GPHN: variants seen among roughly 807,000 people sequenced by gnomAD.
GPHN encodes the protein gephyrin.
A neutral mutation model predicts 95.5 loss-of-function variants in GPHN; 17 were observed. The ratio of observed to expected loss-of-function variants is 0.18; its 90% confidence interval spans 0.12 to 0.27. The LOEUF (loss-of-function observed/expected upper bound fraction) is 0.27. Ranked by LOEUF, GPHN falls within the 10% of genes least tolerant of loss-of-function variation. The pLI is 1.00. For missense variants in GPHN, 660 were observed against 978.1 expected, an observed-to-expected ratio of 0.67 and a Z score of 4.34; for synonymous variants, 320 against 322.5, an observed-to-expected ratio of 0.99 and a Z score of 0.08.
At chr14:67,643,690 C>T in the GPHN span, among the ~76,000 whole-genome samples, 1 of 151,896 alleles carries the variant, frequency 6.6e-6, no homozygotes, top group African/African-American at 2.4e-5. Context: ...GAAAATATAA[C>T]TTATCCAAGG....
intron 1 of GPHN, among the ~76,000 whole-genome samples, chr14:66,649,086 C>G (rs2064905192): frequency 6.6e-6 from 1 of 152,202 alleles, no homozygotes; most frequent in Non-Finnish European, 1.5e-5. Flanking sequence ...AATCCTAGCA[C>G]TTTGGGAGGC....
chr14:67,269,748 A>G, the GPHN span: 2 of 152,648 alleles, frequency 1.3e-5, no homozygotes, highest in African/African-American at 4.8e-5. Flanking sequence ...GAGAAACTAA[A>G]AGGACAGTAG....
intron 15 of GPHN, 104 bp downstream of exon 15, chr14:67,112,023 A>G (rs1347439008): frequency 4.5e-6 from 4 of 885,290 alleles, no homozygotes; most frequent in Non-Finnish European, 5.7e-6. Flanking sequence ...TCAGTTAGCC[A>G]TTAATTTTCA....
intron 2 of GPHN, 25 bp from the exon 3 acceptor site, chr14:66,776,439 G>T: frequency 7.3e-7 from 1 of 1,375,572 alleles, no homozygotes; most frequent in Non-Finnish European, 1.0e-6. Context: ...CTGGTTTTGA[G>T]AATATTTTCT....
At chr14:66,846,593 A>G (rs564998178) in intron 4 of GPHN, among the ~76,000 whole-genome samples, 2 of 152,316 alleles carry the variant, frequency 1.3e-5, no homozygotes, top group South Asian at 2.1e-4. Flanking sequence ...AGAAGAATGT[A>G]ATAAGAATGA....
At chr14:67,427,364 A>G in the GPHN span, among the ~76,000 whole-genome samples, 4 of 152,230 alleles carry the variant, frequency 2.6e-5, no homozygotes, top group Admixed American at 1.3e-4. Flanking sequence ...CCCTTGGTCT[A>G]CAAACGGAGA....
At chr14:67,271,162 A>T in the GPHN span, 2 of 152,240 alleles carry the variant, frequency 1.3e-5, no homozygotes, top group Non-Finnish European at 2.9e-5. Flanking sequence ...TCACGGCTAT[A>T]GAGGTCAACA....
At chr14:66,684,463 G>A (rs1426661120) in intron 2 of GPHN, among the ~76,000 whole-genome samples, 1 of 152,164 alleles carries the variant, frequency 6.6e-6, no homozygotes, top group Admixed American at 6.5e-5. Flanking sequence ...AGCTAGATGA[G>A]GGGCTTACTG....
chr14:66,729,320 A>G (rs575267345), intron 2 of GPHN, among the ~76,000 whole-genome samples: 2 of 152,276 alleles, frequency 1.3e-5, no homozygotes, highest in South Asian at 2.1e-4. Flanking sequence ...AAAAAGTTGA[A>G]ATTTGGAAAA....
chr14:67,468,919 TA>T, the GPHN span, among the ~76,000 whole-genome samples: 161 of 145,122 alleles, frequency 1.1e-3, no homozygotes, highest in South Asian at 5.6e-3. Flanking sequence ...TAATTTTTTT[TA>T]AAAAAAAAAG....
At chr14:67,323,208 TATAC>T in the GPHN span, among the ~76,000 whole-genome samples, 3 of 140,510 alleles carry the variant, frequency 2.1e-5, no homozygotes, top group Non-Finnish European at 4.5e-5. Context: ...TGTGTATATA[TATAC>T]ATATATACAC....
chr14:66,775,764 T>C (rs756698758), intron 2 of GPHN, among the ~76,000 whole-genome samples: 57 of 152,278 alleles, frequency 3.7e-4, no homozygotes, highest in Non-Finnish European at 7.1e-4. Flanking sequence ...CTTAGTTGCT[T>C]TCTAAAAAAT....
chr14:66,793,542 G>A (rs2060048599), intron 3 of GPHN, among the ~76,000 whole-genome samples: 1 of 151,990 alleles, frequency 6.6e-6, no homozygotes, highest in Non-Finnish European at 1.5e-5. Flanking sequence ...ATCTTTTGTT[G>A]GGTTTTGAGT....
At chr14:67,498,979 T>TTTTATTTATTTATTTA in the GPHN span, among the ~76,000 whole-genome samples, 51,612 of 146,328 alleles carry the variant, frequency 0.35, 10,003 homozygotes, top group Admixed American at 0.47. Context: ...AAGGCAATGG[T>TTTTATTTATTTATTTA]TTTATTTATT....
the GPHN span, among the ~76,000 whole-genome samples, chr14:67,519,302 G>A: frequency 1.1e-3 from 167 of 152,284 alleles, no homozygotes; most frequent in African/African-American, 3.9e-3. Flanking sequence ...CAGATGGCTC[G>A]CATATTTAAA....
chr14:67,010,514 T>C (rs2072920748), intron 9 of GPHN, among the ~76,000 whole-genome samples: 1 of 140,022 alleles, frequency 7.1e-6, no homozygotes. Flanking sequence ...ATCATGCCAC[T>C]GCACTCTAGC....
At chr14:67,340,397 A>G in the GPHN span, 1 of 1,539,422 alleles carries the variant, frequency 6.5e-7, no homozygotes, top group Non-Finnish European at 9.0e-7. Context: ...CCTTTGGAAT[A>G]TGGAAAACAA....
At chr14:67,017,290 A>T (rs180953911) in intron 9 of GPHN, among the ~76,000 whole-genome samples, 1 of 152,150 alleles carries the variant, frequency 6.6e-6, no homozygotes, top group Non-Finnish European at 1.5e-5. Flanking sequence ...CTTTTCTAGA[A>T]CAATTATCCA....
At chr14:67,656,513 C>T in the GPHN span, 10 of 1,613,852 alleles carry the variant, frequency 6.2e-6, no homozygotes, top group African/African-American at 8.0e-5. Flanking sequence ...CCGATGAGAA[C>T]GTTCAATACT....
Sources: allele counts gnomAD v4.1 joint callset (sites outside exome capture counted in the v4.1 genomes callset), GRCh38; gene constraint gnomAD v4.1.1; transcripts MANE v1.5; gene names NCBI Gene and HGNC (gene_info 2026-07-23, HGNC 2026-07-21).